Variants in TOLLIP observed in about 807,000 individuals in gnomAD.
TOLLIP encodes the protein toll-interacting protein.
TOLLIP carries 16 observed loss-of-function variants against 33.5 expected under a neutral mutation model. That is an observed-to-expected ratio of 0.48 (90% CI 0.32 to 0.72). The LOEUF is 0.72. TOLLIP is among the 30% of genes least tolerant of loss of function. The pLI is 0.03. For synonymous variants in TOLLIP, 176 were observed against 163.7 expected (o/e 1.07, Z -0.57); for missense variants, 325 against 396.6 (o/e 0.82, Z 1.53).
chr11:1,302,558 C>A (rs1449240906), intron 1 of TOLLIP: 4 of 985,616 alleles, frequency 4.1e-6, no homozygotes, highest in Non-Finnish European at 3.6e-6. Context: ...CTTCACAGCA[C>A]CAGCATCCAA....
intron 2 of TOLLIP, among the ~76,000 whole-genome samples, chr11:1,292,964 G>T (rs1036226751): frequency 3.3e-5 from 5 of 152,244 alleles, no homozygotes; most frequent in Admixed American, 6.5e-5. Context: ...AGCTGGAGCA[G>T]GCTCGGCAGG....
chr11:1,284,646 C>T (rs912086583), intron 5 of TOLLIP, among the ~76,000 whole-genome samples: 3 of 152,206 alleles, frequency 2.0e-5, no homozygotes, highest in Admixed American at 6.5e-5. Flanking sequence ...CCCACACCCA[C>T]CCCCAGGCTG....
rs1863906191 is a variant in TOLLIP at position 1,290,732 on chromosome 11, G to A, written c.184-323C>T. On this transcript the variant is annotated intron_variant, in intron 2 of 5. Coordinates refer to ENST00000317204, the MANE Select transcript of TOLLIP (RefSeq NM_019009.4). This position sits in a 1 kb window ranked among gnomAD's most constrained non-coding sequence, Gnocchi z 4.9. ...GCACTCTCTAATGCCCTCCTCAGAA[G>A]TGGCTGAGGAGGGAAAGAGGAGGAG... Among the ~76,000 whole-genome samples the A allele has an allele frequency of 6.6e-6, 1 of 152,180 alleles. No individual in the cohort carries two copies. Among genetic ancestry groups the A allele is most frequent in the African/African-American group, 2.4e-5 (1 of 41,438 alleles).
Position 1,290,244 on chromosome 11 carries a change from G to C in TOLLIP, c.349C>G (p.Leu117Val), listed in dbSNP as rs557043840. The change falls in exon 3 of 6, where the codon CTC becomes GTC. Residue 117 changes from leucine (L) to valine (V), a missense_variant. Leu to Val is a conservative substitution (Grantham distance 32). Transcript: ENST00000317204. The surrounding 1 kb of genome is among the most constrained non-coding windows in gnomAD (Gnocchi z 4.9). ...TVPPGVDSFY[L>V]EIFDERAFSM... The stretch of plus-strand genomic sequence containing the variant: ...CCTCTCACCTCATCGAAGATCTCGA[G>C]ATAGAAAGAGTCCACGCCTGGGGGC... 4 of 1,613,228 alleles carry C rather than the reference G, an allele frequency of 2.5e-6. No homozygotes were observed. Among genetic ancestry groups the C allele is most frequent in the Non-Finnish European group, 2.5e-6 (3 of 1,179,934 alleles).
rs1299445299 is a variant in TOLLIP, at chr11:1,288,793, G to C, written c.367-17C>G. 6.2e-7 allele frequency: 1 copy of C among 1,608,428 alleles called. No homozygotes were observed. The highest frequency in any genetic ancestry group is 8.5e-7 in the Non-Finnish European group (1 of 1,177,436). On this transcript the variant is annotated splice_polypyrimidine_tract_variant and intron_variant, in intron 3 of 5. Coordinates refer to ENST00000317204, the MANE Select transcript of TOLLIP (RefSeq NM_019009.4). ...GAAGGCTCTCTGCGGGAGACAAGAG[G>C]GAGAGGCCCCAGGCATCAGGGAAGG...
rs1864339873 is a variant in TOLLIP, at chr11:1,303,421, C to T, written c.33+6045G>A. ...GGCAGCCTCTGCGTGTCACTGTGTG[C>T]CTGAGGCTTCCATGGTGAGGTGCTG... On this transcript the variant is annotated intron_variant, in intron 1 of 5. Transcript: ENST00000317204. This position sits in a 1 kb window ranked among gnomAD's most constrained non-coding sequence, Gnocchi z 4.2. Among the ~76,000 whole-genome samples the T allele has an allele frequency of 6.6e-6, 1 of 152,318 alleles. No homozygotes were observed. Among genetic ancestry groups the T allele is most frequent in the South Asian group, 2.1e-4 (1 of 4,834 alleles).
intron 2 of TOLLIP, among the ~76,000 whole-genome samples, chr11:1,291,387 C>T (rs1212312419): frequency 2.0e-5 from 3 of 151,916 alleles, no homozygotes; most frequent in Admixed American, 6.6e-5. Context: ...TCCCGGCCCT[C>T]CCACCCACAT....
intron 1 of TOLLIP, among the ~76,000 whole-genome samples, chr11:1,302,392 G>A (rs1210202001): frequency 9.9e-5 from 15 of 152,242 alleles, no homozygotes; most frequent in South Asian, 2.1e-4. Flanking sequence ...GCACACTCAC[G>A]GCCAAGAGGG....
intron 1 of TOLLIP, chr11:1,306,203 T>G (rs1171204980): frequency 6.6e-6 from 1 of 152,188 alleles, no homozygotes; most frequent in African/African-American, 2.4e-5. Flanking sequence ...GGAACCATTA[T>G]CCTGAAGATC....
rs993729631 is a variant in TOLLIP at position 1,276,349 on chromosome 11, TGGCA to T, written c.*686_*689del. The T allele has an allele frequency of 4.0e-5, 8 of 201,052 alleles. No individual in the cohort carries two copies. Among genetic ancestry groups the T allele is most frequent in the South Asian group, 1.7e-4 (2 of 11,826 alleles). The allele number at this position is 201,052 out of a possible 1,614,324, so 12.5% of individuals were successfully genotyped here. A position where few individuals can be genotyped will look rare whatever the true frequency, so the allele number is the denominator to read the frequency against. On this transcript the variant is annotated 3_prime_UTR_variant, in exon 6 of 6. Transcript: ENST00000317204. Reference sequence around the variant, plus strand: ...GACCCGGCTTCAGATGCCCGCTGGCTGGCAATCAGGCAGAGCCTGGCCAACCGTG... The same window carrying T: ...GACCCGGCTTCAGATGCCCGCTGGCTATCAGGCAGAGCCTGGCCAACCGTG...
chr11:1,294,239 G>A (rs1288043231), intron 2 of TOLLIP, among the ~76,000 whole-genome samples: 6 of 127,984 alleles, frequency 4.7e-5, no homozygotes, highest in African/African-American at 1.6e-4. Context: ...GCATTTCTAC[G>A]AAAGCCCGCG....
rs113314204 is a variant in TOLLIP, at chr11:1,279,842, C to T, written c.611-2589G>A. Reference sequence around the variant, plus strand: ...ACGCAGCATGGTAAGTCCCGGCCGCCGGTGGGCAGGGGAGCATCAGCCCTG... The same window carrying T: ...ACGCAGCATGGTAAGTCCCGGCCGCTGGTGGGCAGGGGAGCATCAGCCCTG... On this transcript the variant is annotated intron_variant, in intron 5 of 5. Coordinates refer to ENST00000317204, the MANE Select transcript of TOLLIP (RefSeq NM_019009.4). 1.7e-3 allele frequency among the ~76,000 whole-genome samples: 252 copies of T among 152,298 alleles called. 3 individuals are homozygous for T. The highest frequency in any genetic ancestry group is 5.9e-3 in the African/African-American group (244 of 41,574).
intron 4 of TOLLIP, 124 bp from the exon 5 acceptor site, chr11:1,286,216 C>A: frequency 1.4e-6 from 1 of 693,572 alleles, no homozygotes; most frequent in Middle Eastern, 3.7e-4. Flanking sequence ...CCATGCCAGC[C>A]CAGAATCACC....
intron 5 of TOLLIP, among the ~76,000 whole-genome samples, chr11:1,284,767 CAG>C (rs1025540626): frequency 6.6e-6 from 1 of 152,234 alleles, no homozygotes; most frequent in Non-Finnish European, 1.5e-5. Context: ...CACATGGAAA[CAG>C]AGTCTATAAT....
intron 1 of TOLLIP, among the ~76,000 whole-genome samples, chr11:1,300,877 C>T (rs945781063): frequency 2.0e-5 from 3 of 152,234 alleles, no homozygotes; most frequent in Admixed American, 6.5e-5. Context: ...TGGCCCCCTG[C>T]GGAGCCTTTT....
rs115050982 is a variant in TOLLIP, at chr11:1,299,797, G to A, written c.34-4003C>T. ...TCGGGCACGTGAGCACAGGATGCCT[G>A]AGGCTGCGTCACCTGTGCCGTCAAA... On this transcript the variant is annotated intron_variant, in intron 1 of 5. Coordinates refer to ENST00000317204, the MANE Select transcript of TOLLIP (RefSeq NM_019009.4). Among the ~76,000 whole-genome samples the A allele has an allele frequency of 2.4e-3, 371 of 152,364 alleles. 2 individuals carry two copies. Among genetic ancestry groups the A allele is most frequent in the African/African-American group, 8.4e-3 (351 of 41,598 alleles).
chr11:1,287,442 C>T (rs1208825079), intron 4 of TOLLIP, among the ~76,000 whole-genome samples: 1 of 89,802 alleles, frequency 1.1e-5, no homozygotes, highest in Non-Finnish European at 2.4e-5. Context: ...CCGCAGCCTC[C>T]CCGCCGCACC....
chr11:1,302,406 C>T (rs1864308492), intron 1 of TOLLIP, among the ~76,000 whole-genome samples: 1 of 152,242 alleles, frequency 6.6e-6, no homozygotes. Flanking sequence ...AAGAGGGGAG[C>T]CCCGTGGAGG....
At chr11:1,296,417 C>T (rs1864113289) in intron 1 of TOLLIP, among the ~76,000 whole-genome samples, 1 of 152,234 alleles carries the variant, frequency 6.6e-6, no homozygotes, top group South Asian at 2.1e-4. Flanking sequence ...AGAGGATGGG[C>T]CCAGGCAGGA....
Sources: gnomAD v4.1 joint callset for allele counts (sites outside exome capture counted in the v4.1 genomes callset) on GRCh38, gnomAD v4.1.1 for gene constraint, Gnocchi (gnomAD v3.1) non-coding constraint, MANE v1.5 for transcripts, NCBI Gene and HGNC (gene_info 2026-07-23, HGNC 2026-07-21) for gene names.